Variants in SMC3 observed in about 807,000 individuals in gnomAD.
SMC3 encodes structural maintenance of chromosomes 3, also known as structural maintenance of chromosomes protein 3.
In SMC3, 20 loss-of-function variants were observed where a neutral mutation model predicts 171.8. That is an observed-to-expected ratio of 0.12 (90% confidence interval 0.08 to 0.17). The LOEUF (loss-of-function observed/expected upper bound fraction) is 0.17. Ranked by LOEUF, SMC3 falls within the 10% of genes least tolerant of loss-of-function variation. SMC3 has a pLI of 1.00. For missense variants in SMC3, 543 were observed against 1,420.4 expected (o/e 0.38, Z 9.93); for synonymous variants, 464 against 451.1 (o/e 1.03, Z -0.36).
At chr10:110,577,637 C>G (rs1045916758) in intron 5 of SMC3, 145 bp downstream of exon 5, 14 of 717,080 alleles carry the variant, frequency 2.0e-5, no homozygotes, top group Admixed American at 1.5e-4. Context: ...AATGAATACT[C>G]TGTTAACAAA....
chr10:110,602,425 A>G (rs1861401203), intron 25 of SMC3, 49 bp from the exon 26 acceptor site: 5 of 1,421,972 alleles, frequency 3.5e-6, no homozygotes, highest in Non-Finnish European at 4.9e-6. Context: ...CTTAAGTGTT[A>G]TATATAATTC....
chr10:110,603,257 T>C lies in SMC3; in HGVS notation c.3549T>C (p.Ala1183=), dbSNP rs1240994881. Residue 1183 remains alanine, a synonymous_variant, in exon 28 of 29, where the codon GCT becomes GCC. Transcript: ENST00000361804. ...TTFRPELLES[A]DKFYGVKFRN... ...TTAGGCCTGAACTGCTTGAGTCAGC[T>C]GACAAATTCTATGGTGTAAAGTTCA... The C allele has an allele frequency of 1.0e-5, 16 of 1,605,598 alleles. No individual in the cohort carries two copies. The highest frequency in any genetic ancestry group is 1.3e-5 in the Non-Finnish European group (15 of 1,174,074).
rs2419572 is a variant in SMC3, at chr10:110,589,446, A to G, written c.1306-159A>G. Among the ~76,000 whole-genome samples, 111,545 of 152,000 alleles carry G rather than the reference A, an allele frequency of 0.73. 42,128 individuals are homozygous for G. The highest frequency in any genetic ancestry group is 0.84 in the Non-Finnish European group (56,991 of 67,990). ...CACCACACACCACAGTTAAGACAAT[A>G]AACACGTTTATTACCCAAAAGCGTT... is the stretch of plus-strand genomic sequence containing the variant. On this transcript the variant is annotated intron_variant, in intron 13 of 28. Coordinates refer to ENST00000361804, the MANE Select transcript of SMC3 (RefSeq NM_005445.4).
chr10:110,569,991 G>A (rs1483001552), intron 2 of SMC3, among the ~76,000 whole-genome samples: 1 of 152,184 alleles, frequency 6.6e-6, no homozygotes, highest in East Asian at 1.9e-4. Context: ...GTATTAGTTT[G>A]CTAAGGCAGC....
chr10:110,592,892 G>A (rs1019077355), intron 17 of SMC3, among the ~76,000 whole-genome samples, 181 bp from the exon 18 acceptor site: 3 of 152,214 alleles, frequency 2.0e-5, no homozygotes, highest in African/African-American at 7.2e-5. Context: ...GATTACAAGA[G>A]CAAAATTACC....
chr10:110,581,864 A>C (rs1861034795), intron 8 of SMC3, 59 bp from the exon 9 acceptor site: 1 of 1,312,738 alleles, frequency 7.6e-7, no homozygotes, highest in Non-Finnish European at 1.1e-6. Flanking sequence ...ATATTTAAGA[A>C]GTGATATTAC....
Position 110,601,004 on chromosome 10 carries a change from T to C in SMC3, c.2536-18T>C. ...TCATAACATTTGAAACTAATGGAATTTGTATTTTTTGTTACAGGAACTTAA... is the reference window on the plus strand; with the variant it reads ...TCATAACATTTGAAACTAATGGAATCTGTATTTTTTGTTACAGGAACTTAA... On this transcript the variant is annotated intron_variant, in intron 22 of 28. Transcript: ENST00000361804. 6.3e-7 allele frequency: 1 copy of C among 1,577,282 alleles called. No homozygotes were observed. Among genetic ancestry groups the C allele is most frequent in the South Asian group, 1.1e-5 (1 of 90,246 alleles).
chr10:110,585,905 C>T (rs1047451723), intron 13 of SMC3, among the ~76,000 whole-genome samples: 1 of 152,090 alleles, frequency 6.6e-6, no homozygotes, highest in African/African-American at 2.4e-5. Flanking sequence ...TCAAGCAATT[C>T]TCCTGCGTCA....
intron 2 of SMC3, among the ~76,000 whole-genome samples, chr10:110,572,838 A>G (rs1404473904): frequency 1.3e-5 from 2 of 151,910 alleles, no homozygotes; most frequent in African/African-American, 4.8e-5. Context: ...TTACCTACTT[A>G]TTTATCTTTT....
intron 4 of SMC3, among the ~76,000 whole-genome samples, chr10:110,576,022 A>G (rs1564788515): frequency 6.6e-6 from 1 of 152,196 alleles, no homozygotes; most frequent in Non-Finnish European, 1.5e-5. Flanking sequence ...TCCAGTATGA[A>G]AAACAGTAGA....
chr10:110,581,171 AATG>A, intron 8 of SMC3, 150 bp downstream of exon 8: 1 of 662,740 alleles, frequency 1.5e-6, no homozygotes, highest in Non-Finnish European at 2.7e-6. Flanking sequence ...CCATAACACC[AATG>A]ATGTTAGTAG....
rs908025506 is a variant in SMC3, at chr10:110,604,468, A to G, written c.*166A>G. On this transcript the variant is annotated 3_prime_UTR_variant, in exon 29 of 29. Coordinates refer to ENST00000361804, the MANE Select transcript of SMC3 (RefSeq NM_005445.4). Reference sequence around the variant, plus strand: ...ATTTTATAAGATACTCTGTAATGTCATGTTTGTACTGATAGTTTAAGAATT... The same window carrying G: ...ATTTTATAAGATACTCTGTAATGTCGTGTTTGTACTGATAGTTTAAGAATT... 1 of 561,904 alleles carries G rather than the reference A, an allele frequency of 1.8e-6. No homozygotes were observed. Among genetic ancestry groups the G allele is most frequent in the South Asian group, 2.2e-5 (1 of 45,000 alleles). The allele number at this position is 561,904 out of a possible 1,614,324, so 34.8% of individuals were successfully genotyped here. A position where few individuals can be genotyped will look rare whatever the true frequency, so the allele number is the denominator to read the frequency against.
intron 8 of SMC3, 75 bp downstream of exon 8, chr10:110,581,096 G>A: frequency 1.2e-6 from 1 of 816,826 alleles, no homozygotes; most frequent in Non-Finnish European, 2.2e-6. Context: ...TCCATGATGG[G>A]AATATAGTAG....
chr10:110,583,780 T>G, intron 11 of SMC3, 61 bp from the exon 12 acceptor site: 1 of 1,570,496 alleles, frequency 6.4e-7, no homozygotes, highest in South Asian at 1.2e-5. Context: ...AGAAAACATT[T>G]ATGCTAGACC....
chr10:110,599,850 A>G (rs1861359225), intron 21 of SMC3, 38 bp downstream of exon 21: 1 of 1,603,020 alleles, frequency 6.2e-7, no homozygotes, highest in Non-Finnish European at 8.5e-7. Flanking sequence ...ATTCGTTAGT[A>G]ATTGGCTATT....
intron 20 of SMC3, among the ~76,000 whole-genome samples, chr10:110,599,203 T>C (rs559064515): frequency 6.6e-6 from 1 of 152,288 alleles, no homozygotes; most frequent in South Asian, 2.1e-4. Flanking sequence ...GTTCAAGCAA[T>C]TCTCCTGCCT....
rs1034673205 is a variant in SMC3, at chr10:110,567,737, C to T, written c.-80C>T. 2.6e-6 allele frequency: 4 copies of T among 1,554,194 alleles called. No individual in the cohort carries two copies. The highest frequency in any genetic ancestry group is 3.5e-6 in the Non-Finnish European group (4 of 1,128,960). ...GAGCGGCGCTTTGGGGGAGGGGTCG[C>T]GTAGGCGCCTCACCTGACCCTGCGG... On this transcript the variant is annotated 5_prime_UTR_variant, in exon 1 of 29. Coordinates refer to ENST00000361804, the MANE Select transcript of SMC3 (RefSeq NM_005445.4).
intron 8 of SMC3, 99 bp downstream of exon 8, chr10:110,581,120 G>T (rs891696978): frequency 5.2e-6 from 4 of 764,060 alleles, no homozygotes; most frequent in African/African-American, 5.1e-5. Context: ...TTTAGTATAT[G>T]ACAGCATTAG....
chr10:110,578,012 A>G, intron 6 of SMC3, 98 bp downstream of exon 6: 1 of 800,430 alleles, frequency 1.2e-6, no homozygotes, highest in African/African-American at 1.7e-5. Context: ...TCTTGGCCTC[A>G]AATGATCCAC....
Sources: allele counts gnomAD v4.1 joint callset (sites outside exome capture counted in the v4.1 genomes callset), GRCh38; gene constraint gnomAD v4.1.1; transcripts MANE v1.5; gene names NCBI Gene and HGNC (gene_info 2026-07-23, HGNC 2026-07-21).